Variants in ZC3H18 observed in about 807,000 individuals in gnomAD.
ZC3H18 encodes zinc finger CCCH domain-containing protein 18.
ZC3H18 carries 8 observed loss-of-function variants against 106.1 expected under a neutral mutation model. That is an observed-to-expected ratio of 0.08 (90% CI 0.04 to 0.14). ZC3H18 has a LOEUF of 0.14. Ranked by LOEUF, ZC3H18 falls within the 10% of genes least tolerant of loss-of-function variation. The probability of loss-of-function intolerance (pLI) is 1.00; values close to 1 mark genes in which losing one functional copy is unlikely to be tolerated. For synonymous variants in ZC3H18, 635 were observed against 522.1 expected, an observed-to-expected ratio of 1.22 and a Z score of -2.95; for missense variants, 1,318 against 1,278.4, an observed-to-expected ratio of 1.03 and a Z score of -0.47.
At chr16:88,598,392 T>C in intron 4 of ZC3H18, 66 bp downstream of exon 4, 1 of 1,546,772 alleles carries the variant, frequency 6.5e-7, no homozygotes, top group Non-Finnish European at 8.7e-7. Flanking sequence ...AATCTCAAGC[T>C]TAAGACAAGT....
chr16:88,623,114 T>C (rs1332669911), intron 9 of ZC3H18, 105 bp from the exon 10 acceptor site: 3 of 1,480,700 alleles, frequency 2.0e-6, no homozygotes, highest in Non-Finnish European at 2.7e-6. Context: ...CGCTTGTGTG[T>C]AGCTGTGCGT....
At chr16:88,578,807 C>T (rs1225223400) in intron 2 of ZC3H18, among the ~76,000 whole-genome samples, 3 of 152,186 alleles carry the variant, frequency 2.0e-5, no homozygotes, top group South Asian at 4.1e-4. Flanking sequence ...TATCCTGCCT[C>T]AGCCTCCTGA....
chr16:88,615,940 G>A (rs1445589196), intron 8 of ZC3H18, among the ~76,000 whole-genome samples: 1 of 152,238 alleles, frequency 6.6e-6, no homozygotes, highest in Non-Finnish European at 1.5e-5. Flanking sequence ...AGGTTGCTGT[G>A]TTCCTCTGCT....
chr16:88,577,177 G>T lies in ZC3H18; in HGVS notation c.54G>T (p.Glu18Asp). The T allele has an allele frequency of 1.2e-6, 2 of 1,605,090 alleles. No individual in the cohort carries two copies. The highest frequency in any genetic ancestry group is 1.7e-6 in the Non-Finnish European group (2 of 1,174,642). The change falls in exon 2 of 18, where the codon GAG becomes GAT. Residue 18 changes from glutamate (E) to aspartate (D), a missense_variant. Coordinates refer to ENST00000301011, the MANE Select transcript of ZC3H18 (RefSeq NM_144604.4). ...ATCCTCACTCTCCAGAGGATGAAGA[G>T]CAGCCACAGGGACTCTCGGACGATG... ...ERDPHSPEDE[E>D]QPQGLSDDDI...
intron 13 of ZC3H18, chr16:88,626,940 T>A (rs1028986404): frequency 3.9e-5 from 6 of 152,288 alleles, no homozygotes; most frequent in African/African-American, 1.4e-4. Flanking sequence ...CCTTGTGTTT[T>A]TAATTTCCCT....
intron 3 of ZC3H18, among the ~76,000 whole-genome samples, chr16:88,588,384 T>A (rs1420229713): frequency 6.6e-6 from 1 of 152,234 alleles, no homozygotes; most frequent in Non-Finnish European, 1.5e-5. Flanking sequence ...TGCAGGAGGC[T>A]GCAGCATCCA....
chr16:88,588,242 G>T (rs1283471406), intron 3 of ZC3H18, among the ~76,000 whole-genome samples: 1 of 152,224 alleles, frequency 6.6e-6, no homozygotes, highest in Non-Finnish European at 1.5e-5. Flanking sequence ...AGAACAATCT[G>T]TACACATGTA....
intron 8 of ZC3H18, among the ~76,000 whole-genome samples, chr16:88,616,931 G>T (rs370707012): frequency 2.0e-5 from 3 of 152,136 alleles, no homozygotes; most frequent in Admixed American, 1.3e-4. Context: ...GCCCAGGCTC[G>T]TTATAGCAGG....
At chr16:88,582,970 C>T (rs747568198) in intron 2 of ZC3H18, among the ~76,000 whole-genome samples, 3 of 152,208 alleles carry the variant, frequency 2.0e-5, no homozygotes, top group Non-Finnish European at 4.4e-5. Context: ...AGACACCTGG[C>T]CCCACAGGTT....
At chr16:88,608,366 T>C (rs77008648) in intron 6 of ZC3H18, among the ~76,000 whole-genome samples, 2 of 152,088 alleles carry the variant, frequency 1.3e-5, no homozygotes, top group South Asian at 2.1e-4. Flanking sequence ...TTTTTTTTTT[T>C]CTTATTTAAT....
At chr16:88,589,789 C>T (rs970610120) in intron 3 of ZC3H18, among the ~76,000 whole-genome samples, 3 of 152,166 alleles carry the variant, frequency 2.0e-5, no homozygotes, top group African/African-American at 4.8e-5. Flanking sequence ...ATTGATTCCT[C>T]GTTGCCTGGA....
rs547251177 is a variant in ZC3H18, at chr16:88,598,578, A to C, written c.838-42A>C. The C allele has an allele frequency of 1.1e-4, 174 of 1,570,974 alleles. No individual in the cohort carries two copies. The Middle Eastern group carries it at 1.8e-3, about 16-fold the overall frequency. The stretch of plus-strand genomic sequence containing the variant: ...CTGTCTGGTTTCTCTGTACACTTGA[A>C]AGTTTTACTTTCTCACCTTCTCCCT... On this transcript the variant is annotated intron_variant, in intron 4 of 17. Transcript: ENST00000301011.
At chr16:88,615,467 AC>A (rs1315127470) in intron 8 of ZC3H18, among the ~76,000 whole-genome samples, 1 of 152,112 alleles carries the variant, frequency 6.6e-6, no homozygotes, top group African/African-American at 2.4e-5. Context: ...GTTGGTGCTT[AC>A]CCACATTTGG....
chr16:88,625,795 T>TTGA (rs2142825186), intron 13 of ZC3H18: 1 of 100,908 alleles, frequency 9.9e-6, no homozygotes, highest in East Asian at 2.5e-4. Context: ...AGCCCAGGAC[T>TTGA]TGACCAGCCT....
chr16:88,575,947 C>T (rs1914721175), intron 1 of ZC3H18, among the ~76,000 whole-genome samples: 2 of 152,214 alleles, frequency 1.3e-5, no homozygotes, highest in African/African-American at 4.8e-5. Flanking sequence ...GTCGCCCAGG[C>T]TGGAGTGCGG....
chr16:88,577,325 G>C lies in ZC3H18; in HGVS notation c.202G>C (p.Asp68His). 1 of 1,609,708 alleles carries C rather than the reference G, an allele frequency of 6.2e-7. No individual in the cohort carries two copies. The highest frequency in any genetic ancestry group is 8.5e-7 in the Non-Finnish European group (1 of 1,177,470). Reference sequence around the variant, plus strand: ...CCAGGAGGAGGAAGATAATCACTCCGACGAGGAGGACCGGGCAAGTGAGCC... The same window carrying C: ...CCAGGAGGAGGAAGATAATCACTCCCACGAGGAGGACCGGGCAAGTGAGCC... ...PSQEEEDNHS[D>H]EEDRASEPKS... The change falls in exon 2 of 18, where the codon GAC becomes CAC. Residue 68 changes from aspartate to histidine, a missense_variant. By Grantham distance (81) the Asp-to-His change is moderately conservative (BLOSUM62 -1). Coordinates refer to ENST00000301011, the MANE Select transcript of ZC3H18 (RefSeq NM_144604.4).
In ZC3H18 at chr16:88,577,285, A is replaced by G; in HGVS notation, c.162A>G (p.Ala54=). The G allele has an allele frequency of 6.2e-7, 1 of 1,613,240 alleles. No homozygotes were observed. The highest frequency in any genetic ancestry group is 8.5e-7 in the Non-Finnish European group (1 of 1,179,656). Residue 54 remains alanine, a synonymous_variant, in exon 2 of 18, where the codon GCA becomes GCG. Transcript: ENST00000301011. ...CTGATCTGGAGGATGAGGAAAGTGC[A>G]GCCAGGGGGCCGAGCCAGGAGGAGG... ...RASDLEDEES[A]ARGPSQEEED...
intron 3 of ZC3H18, among the ~76,000 whole-genome samples, chr16:88,597,586 G>A (rs939914124): frequency 6.6e-5 from 10 of 152,132 alleles, no homozygotes; most frequent in East Asian, 5.8e-4. Context: ...TTACTAACCC[G>A]GATATTCTGT....
rs202104890 is a variant in ZC3H18, at chr16:88,577,226, G to A, written c.103G>A (p.Asp35Asn). 350 of 1,613,238 alleles carry A rather than the reference G, an allele frequency of 2.2e-4. No individual in the cohort carries two copies. Among genetic ancestry groups the A allele is most frequent in the Non-Finnish European group, 2.8e-4 (330 of 1,179,694 alleles). ...TGACATTCTGAGGGACAGCGGGTCC[G>A]ATCAGGATTTGGACGGGGCGGGGGT... ...DDDILRDSGS[D>N]QDLDGAGVRA... The change falls in exon 2 of 18, where the codon GAT becomes AAT. Residue 35 changes from aspartate (D) to asparagine (N), a missense_variant. This residue lies in a region of ZC3H18 where 346 missense variants were observed against 269.0 expected (regional missense o/e 1.29). Coordinates refer to ENST00000301011, the MANE Select transcript of ZC3H18 (RefSeq NM_144604.4).
Sources: gnomAD v4.1 joint callset for allele counts (sites outside exome capture counted in the v4.1 genomes callset) on GRCh38, gnomAD v4.1.1 for gene constraint, gnomAD v4.1.1 regional missense constraint, MANE v1.5 for transcripts, NCBI Gene and HGNC (gene_info 2026-07-23, HGNC 2026-07-21) for gene names.